PIK3CB: variants seen among roughly 807,000 people sequenced by gnomAD.
The protein encoded by PIK3CB is phosphatidylinositol-4,5-bisphosphate 3-kinase catalytic subunit beta, also known as phosphatidylinositol 4,5-bisphosphate 3-kinase catalytic subunit beta isoform.
PIK3CB carries 39 observed loss-of-function variants against 136.8 expected under a neutral mutation model. The ratio of observed to expected loss-of-function variants is 0.29; its 90% CI spans 0.22 to 0.37. PIK3CB has a LOEUF of 0.37. Among genes scored for constraint, PIK3CB ranks in the 10% least tolerant of loss-of-function variants. The pLI, the probability that PIK3CB is intolerant of heterozygous loss-of-function variation, is 1.00. For synonymous variants in PIK3CB, 428 were observed against 436.6 expected, an observed-to-expected ratio of 0.98 and a Z score of 0.25; for missense variants, 868 against 1,275.4, an observed-to-expected ratio of 0.68 and a Z score of 4.87.
intron 4 of PIK3CB, among the ~76,000 whole-genome samples, chr3:138,743,552 A>ACATTCATT (rs547743417): frequency 1.3e-5 from 2 of 152,108 alleles, no homozygotes; most frequent in Admixed American, 1.3e-4. Context: ...TTCACATATA[A>ACATTCATT]CATTCATTCA....
intron 1 of PIK3CB, among the ~76,000 whole-genome samples, chr3:138,818,508 C>G (rs1006126614): frequency 1.3e-5 from 2 of 152,176 alleles, no homozygotes; most frequent in Admixed American, 1.3e-4. Flanking sequence ...TCAAGCAACT[C>G]TACAGCTCAC....
intron 11 of PIK3CB, among the ~76,000 whole-genome samples, chr3:138,705,169 AAAAAC>A (rs1559828560): frequency 3.0e-5 from 3 of 99,224 alleles, no homozygotes; most frequent in East Asian, 5.0e-4. Context: ...AAAAAAAAAA[AAAAAC>A]AAAAAACAAA....
intron 8 of PIK3CB, among the ~76,000 whole-genome samples, chr3:138,721,293 G>C (rs897401863): frequency 6.6e-6 from 1 of 152,070 alleles, no homozygotes; most frequent in African/African-American, 2.4e-5. Flanking sequence ...CTCCCGAGTA[G>C]CTGGGATTAT....
rs2108530191 is a variant in PIK3CB, at chr3:138,698,982, G to A, written c.1695C>T (p.Cys565=). 6.2e-7 allele frequency: 1 copy of A among 1,605,730 alleles called. No individual in the cohort carries two copies. Among genetic ancestry groups the A allele is most frequent in the Middle Eastern group, 1.7e-4 (1 of 6,006 alleles). ...GCAGTGATTGTGGGAAAATCTCTCG[G>A]CAGTCTTGTCGCAAAGTCCAAATAA... is the stretch of plus-strand genomic sequence containing the variant. The part of the protein sequence containing the change: ...MDLIWTLRQD[C]REIFPQSLPK... Residue 565 remains cysteine (C), a synonymous_variant, in exon 13 of 24, where the codon TGC becomes TGT. Transcript: ENST00000674063.
chr3:138,795,055 C>T (rs1211849519), intron 2 of PIK3CB, among the ~76,000 whole-genome samples: 1 of 152,086 alleles, frequency 6.6e-6, no homozygotes, highest in Non-Finnish European at 1.5e-5. Context: ...CGCGGTGGCT[C>T]ACGCCTGTAA....
In PIK3CB at chr3:138,664,027, T is replaced by A; in HGVS notation, c.2675A>T (p.Asp892Val). The A allele has an allele frequency of 6.2e-7, 1 of 1,613,118 alleles. No homozygotes were observed. Among genetic ancestry groups the A allele is most frequent in the African/African-American group, 1.3e-5 (1 of 74,908 alleles). The change falls in exon 21 of 24, where the codon GAT becomes GTT. Residue 892 changes from aspartate to valine, a missense_variant and splice_region_variant. Physicochemically the swap from Asp to Val is radical, Grantham distance 152. Transcript: ENST00000674063. Reference sequence around the variant, plus strand: ...TTCCTCAATGGCTCGGTCCAGGTCATCCCTGAACAAGAGAAAAGAACAGAA... The same window carrying A: ...TTCCTCAATGGCTCGGTCCAGGTCAACCCTGAACAAGAGAAAAGAACAGAA... Reference protein sequence around the residue: ...LNWLKEYNSGDDLDRAIEEFT... With the variant: ...LNWLKEYNSGVDLDRAIEEFT...
chr3:138,767,597 C>G (rs924714045), intron 2 of PIK3CB, among the ~76,000 whole-genome samples: 7 of 152,210 alleles, frequency 4.6e-5, no homozygotes, highest in Non-Finnish European at 1.0e-4. Flanking sequence ...GGACTGGATC[C>G]CATGACTGCC....
chr3:138,791,874 C>T (rs140523497), intron 2 of PIK3CB, among the ~76,000 whole-genome samples: 93 of 152,236 alleles, frequency 6.1e-4, no homozygotes, highest in Middle Eastern at 3.4e-3. Flanking sequence ...TCTACTTTTC[C>T]CTAATATATT....
At chr3:138,755,525 T>C (rs1368621197) in intron 4 of PIK3CB, among the ~76,000 whole-genome samples, 5 of 152,020 alleles carry the variant, frequency 3.3e-5, no homozygotes, top group Non-Finnish European at 5.9e-5. Context: ...CAAAAACATA[T>C]ACTAAACATA....
At chr3:138,683,251 G>A (rs1051350673) in intron 18 of PIK3CB, among the ~76,000 whole-genome samples, 1 of 151,872 alleles carries the variant, frequency 6.6e-6, no homozygotes, top group Non-Finnish European at 1.5e-5. Context: ...CTACTCTGGG[G>A]GCTGAGGTAG....
At chr3:138,722,125 G>A (rs2044738025) in intron 8 of PIK3CB, among the ~76,000 whole-genome samples, 2 of 103,314 alleles carry the variant, frequency 1.9e-5, no homozygotes, top group African/African-American at 7.1e-5. Context: ...TCTTGCTACT[G>A]GGTGTTTTTT....
intron 12 of PIK3CB, among the ~76,000 whole-genome samples, chr3:138,701,294 C>A (rs2044247483): frequency 6.6e-6 from 1 of 150,866 alleles, no homozygotes; most frequent in Non-Finnish European, 1.5e-5. Context: ...ATATACCTGA[C>A]AATGAAATGC....
chr3:138,710,602 C>A (rs1458250577), intron 10 of PIK3CB, among the ~76,000 whole-genome samples: 1 of 152,194 alleles, frequency 6.6e-6, no homozygotes, highest in Non-Finnish European at 1.5e-5. Context: ...AATAGTCTTT[C>A]ATTCAAATCC....
intron 8 of PIK3CB, among the ~76,000 whole-genome samples, chr3:138,716,125 A>G (rs1162436194): frequency 6.6e-6 from 1 of 152,196 alleles, no homozygotes; most frequent in African/African-American, 2.4e-5. Flanking sequence ...ATAACATGAT[A>G]AATATTCAAG....
chr3:138,819,361 A>AAGC (rs1219252158), intron 1 of PIK3CB, among the ~76,000 whole-genome samples: 1 of 152,106 alleles, frequency 6.6e-6, no homozygotes, highest in Non-Finnish European at 1.5e-5. Context: ...AAAAAAAAAA[A>AAGC]ATCACTACCA....
At chr3:138,750,165 C>T (rs1403896883) in intron 4 of PIK3CB, among the ~76,000 whole-genome samples, 1 of 152,224 alleles carries the variant, frequency 6.6e-6, no homozygotes, top group East Asian at 1.9e-4. Flanking sequence ...AGGAATAAGC[C>T]CCCAAGCTCG....
chr3:138,693,969 T>TA (rs1429591733), intron 14 of PIK3CB, among the ~76,000 whole-genome samples: 36 of 46,462 alleles, frequency 7.7e-4, no homozygotes, highest in Middle Eastern at 8.9e-3. Context: ...ATATATATTA[T>TA]ATATATATAT....
chr3:138,657,889 T>G (rs1577035317), intron 21 of PIK3CB, 54 bp from the exon 22 acceptor site: 1 of 1,561,120 alleles, frequency 6.4e-7, no homozygotes, highest in Non-Finnish European at 8.7e-7. Context: ...GTTCCAAATA[T>G]AAAGGCAAAA....
intron 1 of PIK3CB, among the ~76,000 whole-genome samples, chr3:138,830,333 T>A (rs953192306): frequency 6.6e-6 from 1 of 151,216 alleles, no homozygotes; most frequent in Non-Finnish European, 1.5e-5. Flanking sequence ...GCGGATCACC[T>A]GAGGTTAGGA....
Sources: allele counts gnomAD v4.1 joint callset (sites outside exome capture counted in the v4.1 genomes callset), GRCh38; gene constraint gnomAD v4.1.1; transcripts MANE v1.5; gene names NCBI Gene and HGNC (gene_info 2026-07-23, HGNC 2026-07-21).